The following RAB6B variants were observed in gnomAD, a reference collection of about 807,000 sequenced individuals.
The protein encoded by RAB6B is RAB6B, member RAS oncogene family.
In RAB6B, 7 loss-of-function variants were observed where a neutral mutation model predicts 31.2. The ratio of observed to expected loss-of-function variants is 0.22; its 90% confidence interval spans 0.13 to 0.42. The LOEUF (loss-of-function observed/expected upper bound fraction) is 0.42, where lower values mean the gene tolerates loss of function less well. RAB6B is among the 10% of genes least tolerant of loss of function. The pLI, the probability that RAB6B is intolerant of heterozygous loss-of-function variation, is 1.00. For synonymous variants in RAB6B, 105 were observed against 104.9 expected (o/e 1.00, Z -0.01); for missense variants, 149 against 280.6 (o/e 0.53, Z 3.35).
chr3:133,864,096 AG>A (rs1936200112), intron 2 of RAB6B, among the ~76,000 whole-genome samples: 1 of 133,946 alleles, frequency 7.5e-6, no homozygotes, highest in Non-Finnish European at 1.5e-5. Flanking sequence ...CAGCCTCTCC[AG>A]GGAAGGAAGT....
Position 133,864,708 on chromosome 3 carries a change from G to C in RAB6B, c.71-66C>G, listed in dbSNP as rs1384318694. On this transcript the variant is annotated intron_variant, in intron 1 of 7. Coordinates refer to ENST00000285208, the MANE Select transcript of RAB6B (RefSeq NM_016577.4). ...TGAGCTAGGCTCTTCTAAACACACTGCATTTGAAGAAAAGATAACAAAACC... is the reference window on the plus strand; with the variant it reads ...TGAGCTAGGCTCTTCTAAACACACTCCATTTGAAGAAAAGATAACAAAACC... 2.1e-6 allele frequency: 3 copies of C among 1,433,298 alleles called. No individual in the cohort carries two copies. In the African/African-American group the frequency reaches 4.2e-5, roughly 20 times the overall value. 88.8% of individuals were successfully genotyped at this position (1,433,298 alleles called of 1,614,324 possible).
At chr3:133,858,420 G>A (rs957992450) in intron 2 of RAB6B, among the ~76,000 whole-genome samples, 1 of 152,164 alleles carries the variant, frequency 6.6e-6, no homozygotes. Flanking sequence ...AGACTGGATG[G>A]CTTCAACTAC....
At chr3:133,895,114 C>T (rs920975577) in intron 1 of RAB6B, among the ~76,000 whole-genome samples, 1 of 152,292 alleles carries the variant, frequency 6.6e-6, no homozygotes, top group East Asian at 1.9e-4. Flanking sequence ...CGGAGCCAGC[C>T]GCCGCCCTCC....
chr3:133,878,472 C>CA (rs137982232), intron 1 of RAB6B, among the ~76,000 whole-genome samples: 14,412 of 152,104 alleles, frequency 0.095, 1,263 homozygotes, highest in African/African-American at 0.24. Context: ...GAGATAAAGA[C>CA]TTTTTCAAAC....
chr3:133,873,775 AC>A (rs902149624), intron 1 of RAB6B, among the ~76,000 whole-genome samples: 4 of 152,222 alleles, frequency 2.6e-5, no homozygotes, highest in Non-Finnish European at 4.4e-5. Context: ...AAATCCTCAT[AC>A]GACTTTTTAG....
At position 133,832,096 on chromosome 3, in the gene RAB6B, C is replaced by G. The variant is rs369183174; in HGVS notation, c.562+2479G>C. ...CGTCACTGTCCTCACCTGCTTAGAG[C>G]CACTTCATGAAGTGCCCACACTACT... On this transcript the variant is annotated intron_variant, in intron 7 of 7. Coordinates refer to ENST00000285208, the MANE Select transcript of RAB6B (RefSeq NM_016577.4). Among the ~76,000 whole-genome samples, 12 of 152,282 alleles carry G rather than the reference C, an allele frequency of 7.9e-5. No homozygotes were observed. In the East Asian group the frequency reaches 2.1e-3, roughly 27 times the overall value.
chr3:133,861,924 C>A (rs1463376870), intron 2 of RAB6B, among the ~76,000 whole-genome samples: 1 of 152,104 alleles, frequency 6.6e-6, no homozygotes. Context: ...TAAGCTGAAT[C>A]CCCAAAGACC....
At chr3:133,859,535 C>T (rs1283728195) in intron 2 of RAB6B, among the ~76,000 whole-genome samples, 2 of 152,010 alleles carry the variant, frequency 1.3e-5, no homozygotes, top group East Asian at 3.9e-4. Flanking sequence ...TCCTACCTCA[C>T]CTACACCAGC....
At chr3:133,848,270 C>T (rs1001416393) in intron 2 of RAB6B, among the ~76,000 whole-genome samples, 6 of 152,238 alleles carry the variant, frequency 3.9e-5, no homozygotes, top group Non-Finnish European at 8.8e-5. Flanking sequence ...TCTGTTCCCT[C>T]ACATCAAATG....
chr3:133,848,550 G>C (rs1052141036), intron 2 of RAB6B, among the ~76,000 whole-genome samples: 16 of 152,268 alleles, frequency 1.1e-4, no homozygotes, highest in Admixed American at 9.2e-4. Context: ...TGGAAGCTGC[G>C]AAGTCTAAGA....
chr3:133,882,479 G>A (rs1936482175), intron 1 of RAB6B, among the ~76,000 whole-genome samples: 1 of 152,182 alleles, frequency 6.6e-6, no homozygotes, highest in Admixed American at 6.5e-5. Context: ...AAGAGATGCA[G>A]CCTTTACTCT....
intron 1 of RAB6B, among the ~76,000 whole-genome samples, chr3:133,893,974 C>G (rs565048238): frequency 6.6e-6 from 1 of 152,234 alleles, no homozygotes; most frequent in South Asian, 2.1e-4. Context: ...TCCCCCAAAC[C>G]CATCTCCATA....
At chr3:133,881,080 C>G (rs957721735) in intron 1 of RAB6B, among the ~76,000 whole-genome samples, 2 of 152,288 alleles carry the variant, frequency 1.3e-5, no homozygotes, top group Admixed American at 1.3e-4. Flanking sequence ...AAGGGCCAGG[C>G]TGGGGGGTGG....
At chr3:133,848,213 C>T (rs1333346427) in intron 2 of RAB6B, among the ~76,000 whole-genome samples, 1 of 152,220 alleles carries the variant, frequency 6.6e-6, no homozygotes, top group African/African-American at 2.4e-5. Flanking sequence ...GCGCCCACGC[C>T]TCTGGAAGCC....
intron 1 of RAB6B, among the ~76,000 whole-genome samples, chr3:133,873,649 C>A (rs1936355354): frequency 6.6e-6 from 1 of 152,148 alleles, no homozygotes; most frequent in South Asian, 2.1e-4. Flanking sequence ...TACTGAGGTA[C>A]AATCAATAAA....
chr3:133,876,093 A>C (rs1461075527), intron 1 of RAB6B, among the ~76,000 whole-genome samples: 1 of 152,206 alleles, frequency 6.6e-6, no homozygotes, highest in Non-Finnish European at 1.5e-5. Context: ...GTGTTTGGGG[A>C]GGTCCAAAAC....
chr3:133,863,451 G>T (rs548939710), intron 2 of RAB6B, among the ~76,000 whole-genome samples: 1 of 152,298 alleles, frequency 6.6e-6, no homozygotes, highest in Admixed American at 6.5e-5. Context: ...GAGGAGGGAC[G>T]TCTTAGAACA....
intron 2 of RAB6B, among the ~76,000 whole-genome samples, chr3:133,856,359 G>A (rs758368445): frequency 5.3e-5 from 8 of 151,954 alleles, no homozygotes; most frequent in Non-Finnish European, 1.2e-4. Context: ...CTGTTCTGCT[G>A]TCGTGGCCCA....
At chr3:133,850,654 T>A (rs1935971083) in intron 2 of RAB6B, among the ~76,000 whole-genome samples, 1 of 152,058 alleles carries the variant, frequency 6.6e-6, no homozygotes, top group Non-Finnish European at 1.5e-5. Context: ...AAAAATTTCA[T>A]AAACAGAGCC....
Sources: allele counts gnomAD v4.1 joint callset (sites outside exome capture counted in the v4.1 genomes callset), GRCh38; gene constraint gnomAD v4.1.1; transcripts MANE v1.5; gene names NCBI Gene and HGNC (gene_info 2026-07-23, HGNC 2026-07-21).